Variants in LYST observed in about 807,000 individuals in gnomAD.
LYST encodes the protein lysosomal-trafficking regulator.
A neutral mutation model predicts 413.6 loss-of-function variants in LYST; 192 were observed. The observed-to-expected ratio is 0.46, with a 90% CI of 0.41 to 0.52. The LOEUF is 0.52. Ranked by LOEUF, LYST falls within the 20% of genes least tolerant of loss-of-function variation. The pLI, the probability that LYST is intolerant of heterozygous loss-of-function variation, is 0.00. For synonymous variants in LYST, 1,525 were observed against 1,567.3 expected, an observed-to-expected ratio of 0.97 and a Z score of 0.64; for missense variants, 3,815 against 4,499.9, an observed-to-expected ratio of 0.85 and a Z score of 4.35.
At chr1:235,844,770 G>C (rs1274462985) in intron 1 of LYST, among the ~76,000 whole-genome samples, 1 of 151,804 alleles carries the variant, frequency 6.6e-6, no homozygotes, top group Non-Finnish European at 1.5e-5. Flanking sequence ...GACCAAAGAG[G>C]GGGAGGGGGA....
At chr1:235,722,889 T>C (rs1264627118) in intron 39 of LYST, among the ~76,000 whole-genome samples, 1 of 152,162 alleles carries the variant, frequency 6.6e-6, no homozygotes, top group Admixed American at 6.5e-5. Flanking sequence ...TTTCCTTTAA[T>C]TAGGACTAAG....
intron 1 of LYST, among the ~76,000 whole-genome samples, chr1:235,845,900 T>A (rs1677796279): frequency 6.6e-6 from 1 of 150,774 alleles, no homozygotes; most frequent in East Asian, 2.0e-4. Context: ...TCCTTCCCTA[T>A]CCACCCTGGT....
At chr1:235,718,399 C>T (rs918067275) in intron 40 of LYST, among the ~76,000 whole-genome samples, 1 of 151,232 alleles carries the variant, frequency 6.6e-6, no homozygotes, top group Non-Finnish European at 1.5e-5. Flanking sequence ...CTCTGTCACC[C>T]AAACATGATC....
intron 1 of LYST, among the ~76,000 whole-genome samples, chr1:235,833,976 T>C (rs1676268196): frequency 6.6e-6 from 1 of 152,182 alleles, no homozygotes; most frequent in Admixed American, 6.5e-5. Flanking sequence ...TTCTTAACAC[T>C]AGAATCTAGG....
intron 50 of LYST, among the ~76,000 whole-genome samples, chr1:235,675,163 T>TG (rs1659277821): frequency 6.6e-6 from 1 of 152,140 alleles, no homozygotes; most frequent in African/African-American, 2.4e-5. Flanking sequence ...CAAGCTCCCT[T>TG]GGTCTTTCTT....
Position 235,800,208 on chromosome 1 carries a change from C to A in LYST, c.4006+112G>T, listed in dbSNP as rs1301593633. 6.7e-6 allele frequency: 5 copies of A among 744,184 alleles called. No homozygotes were observed. In the Admixed American group the frequency reaches 1.0e-4, roughly 15 times the overall value. The allele number at this position is 744,184 out of a possible 1,614,324, so 46.1% of individuals were successfully genotyped here. A position where few individuals can be genotyped will look rare whatever the true frequency, so the allele number is the denominator to read the frequency against. On this transcript the variant is annotated intron_variant, in intron 10 of 52. Transcript: ENST00000389793. ...GTGATCCGCCTGCCACCTCAGCCTC[C>A]CAAAGTGCTAAGATCACAGGCATGA...
intron 1 of LYST, among the ~76,000 whole-genome samples, chr1:235,842,257 C>A (rs1283656669): frequency 1.3e-5 from 2 of 151,900 alleles, no homozygotes; most frequent in African/African-American, 4.8e-5. Context: ...GATAGACAAG[C>A]AGAAAATCCA....
rs1226389271 is a variant in LYST at position 235,854,397 on chromosome 1, T to C, written c.-98+12446A>G. Among the ~76,000 whole-genome samples, 3 of 152,194 alleles carry C rather than the reference T, an allele frequency of 2.0e-5. No homozygotes were observed. Among genetic ancestry groups the C allele is most frequent in the Admixed American group, 6.5e-5 (1 of 15,274 alleles). ...AAATTTCTATTCTCCAAAGCAGACA[T>C]TGACTTCTCTCTCCAATAAGCCAGC... On this transcript the variant is annotated intron_variant, in intron 1 of 52. Coordinates refer to ENST00000389793, the MANE Select transcript of LYST (RefSeq NM_000081.4). The surrounding 1 kb of genome is among the most constrained non-coding windows in gnomAD (Gnocchi z 4.1).
In LYST at chr1:235,808,873, G is replaced by C. The variant is rs1402603584; in HGVS notation, c.1945C>G (p.Gln649Glu). 1.9e-6 allele frequency: 3 copies of C among 1,613,890 alleles called. No homozygotes were observed. The East Asian group carries it at 6.7e-5, about 36-fold the overall frequency. ...ICTVDSDQLAQLEETLQGNLC... is the reference protein window; with the variant it reads ...ICTVDSDQLAELEETLQGNLC... ...TTTCCCTGCAGTGTCTCTTCTAATT[G>C]GGCTAGTTGGTCAGAGTCAACAGTA... The change falls in exon 5 of 53, where the codon CAA (glutamine) becomes GAA (glutamate). Residue 649 changes from glutamine to glutamate, a missense_variant. Transcript: ENST00000389793.
intron 39 of LYST, among the ~76,000 whole-genome samples, chr1:235,723,433 TCTGCAA>T (rs891186731): frequency 6.6e-6 from 1 of 152,028 alleles, no homozygotes; most frequent in African/African-American, 2.4e-5. Context: ...CAAGGAGGCG[TCTGCAA>T]CCAAGACTGA....
intron 40 of LYST, among the ~76,000 whole-genome samples, chr1:235,717,866 C>A (rs1428038552): frequency 6.6e-6 from 1 of 151,738 alleles, no homozygotes; most frequent in Non-Finnish European, 1.5e-5. Flanking sequence ...AAAAACAGAG[C>A]AAAATCACTT....
At chr1:235,758,176 G>A (rs562854401) in intron 23 of LYST, among the ~76,000 whole-genome samples, 1 of 152,286 alleles carries the variant, frequency 6.6e-6, no homozygotes, top group East Asian at 1.9e-4. Context: ...TCCATATAAA[G>A]TTATGGGTCT....
At chr1:235,776,821 C>T (rs905880110) in intron 17 of LYST, among the ~76,000 whole-genome samples, 2 of 151,804 alleles carry the variant, frequency 1.3e-5, no homozygotes, top group African/African-American at 2.4e-5. Context: ...GTACATTTAA[C>T]ATTTAATTGT....
intron 48 of LYST, among the ~76,000 whole-genome samples, chr1:235,678,815 G>C (rs1041683619): frequency 1.3e-5 from 2 of 151,868 alleles, no homozygotes; most frequent in African/African-American, 4.8e-5. Flanking sequence ...TGTTACTATA[G>C]CCATAAACAA....
In LYST at chr1:235,781,947, C is replaced by T. The variant is rs1000825587; in HGVS notation, c.5003G>A (p.Gly1668Glu). Reference sequence around the variant, plus strand: ...CTCACCGTTGAAGAGAAGCAAATTTCCCAGGTCCCATTTTCCAGCCAACTG... The same window carrying T: ...CTCACCGTTGAAGAGAAGCAAATTTTCCAGGTCCCATTTTCCAGCCAACTG... ...FLQLAGKWDL[G>E]NLLLFNGAKV... Residue 1668 changes from glycine to glutamate, a missense_variant, in exon 15 of 53, where the codon GGA becomes GAA. Around this residue, in one of 4 missense-constraint regions of LYST, gnomAD observed 530 missense variants for 696.5 expected, o/e 0.76. Coordinates refer to ENST00000389793, the MANE Select transcript of LYST (RefSeq NM_000081.4). 1 of 1,612,934 alleles carries T rather than the reference C, an allele frequency of 6.2e-7. No homozygotes were observed. Among genetic ancestry groups the T allele is most frequent in the Non-Finnish European group, 8.5e-7 (1 of 1,179,162 alleles).
At chr1:235,820,752 T>C (rs950621908) in intron 3 of LYST, among the ~76,000 whole-genome samples, 7 of 152,216 alleles carry the variant, frequency 4.6e-5, no homozygotes, top group African/African-American at 1.2e-4. Flanking sequence ...AGCAGGAATA[T>C]ATGTGTATGG....
chr1:235,874,041 G>C (rs1460864267), intron 1 of LYST, among the ~76,000 whole-genome samples: 1 of 152,228 alleles, frequency 6.6e-6, no homozygotes, highest in Non-Finnish European at 1.5e-5. Context: ...CAAAGCAACA[G>C]TTGAAAAGGG....
At chr1:235,704,799 A>C (rs1661843633) in intron 44 of LYST, among the ~76,000 whole-genome samples, 1 of 152,138 alleles carries the variant, frequency 6.6e-6, no homozygotes, top group Admixed American at 6.5e-5. Context: ...TACTTTTTAT[A>C]AACACTTATC....
At chr1:235,762,975 A>C in intron 21 of LYST, 124 bp from the exon 22 acceptor site, 1 of 724,930 alleles carries the variant, frequency 1.4e-6, no homozygotes, top group Non-Finnish European at 2.4e-6. Flanking sequence ...AAAAATATAT[A>C]GCATACTTTA....
Sources: allele counts gnomAD v4.1 joint callset (sites outside exome capture counted in the v4.1 genomes callset), GRCh38; gene constraint gnomAD v4.1.1; regional missense constraint gnomAD v4.1.1; non-coding constraint Gnocchi (gnomAD v3.1); transcripts MANE v1.5; gene names NCBI Gene and HGNC (gene_info 2026-07-23, HGNC 2026-07-21).